IPO8: variants seen among roughly 807,000 people sequenced by gnomAD.
IPO8 encodes importin 8.
IPO8 carries 65 observed loss-of-function variants against 141.2 expected under a neutral mutation model. That is an observed-to-expected ratio of 0.46 (90% CI 0.38 to 0.57). The LOEUF is 0.57. Ranked by LOEUF, IPO8 falls within the 20% of genes least tolerant of loss-of-function variation. IPO8 has a pLI of 0.00. For synonymous variants in IPO8, 411 were observed against 420.3 expected (o/e 0.98, Z 0.27); for missense variants, 980 against 1,246.8 (o/e 0.79, Z 3.22).
intron 19 of IPO8, among the ~76,000 whole-genome samples, chr12:30,651,230 G>C (rs2052722730): frequency 6.6e-6 from 1 of 152,016 alleles, no homozygotes; most frequent in African/African-American, 2.4e-5. Flanking sequence ...TTAACAACAT[G>C]GGTTATCCAC....
At chr12:30,646,818 G>A (rs1209468413) in intron 20 of IPO8, among the ~76,000 whole-genome samples, 1 of 152,048 alleles carries the variant, frequency 6.6e-6, no homozygotes, top group Non-Finnish European at 1.5e-5. Flanking sequence ...AGAAATTAAA[G>A]AAAACCTAAA....
chr12:30,687,827 A>G (rs1291678214), intron 2 of IPO8, among the ~76,000 whole-genome samples: 1 of 152,192 alleles, frequency 6.6e-6, no homozygotes, highest in Non-Finnish European at 1.5e-5. Flanking sequence ...ATAACCACAG[A>G]ATGAATTGTT....
At chr12:30,653,266 C>T (rs2052753232) in intron 17 of IPO8, among the ~76,000 whole-genome samples, 174 bp from the exon 18 acceptor site, 1 of 152,004 alleles carries the variant, frequency 6.6e-6, no homozygotes, top group Non-Finnish European at 1.5e-5. Context: ...TGCCTCCTTC[C>T]ATTTCTTACC....
In IPO8 at chr12:30,695,575, C is replaced by A; in HGVS notation, c.73G>T (p.Glu25Ter). The A allele has an allele frequency of 6.2e-7, 1 of 1,613,988 alleles. No homozygotes were observed. Among genetic ancestry groups the A allele is most frequent in the Non-Finnish European group, 8.5e-7 (1 of 1,179,898 alleles). Residue 25 changes from glutamate (E) to a stop codon, truncating the protein, a stop_gained, in exon 1 of 25, where the codon GAG (glutamate) becomes TAG (stop). Coordinates refer to ENST00000256079, the MANE Select transcript of IPO8 (RefSeq NM_006390.4). LOFTEE classifies it high-confidence loss of function. This position sits in a 1 kb window ranked among gnomAD's most constrained non-coding sequence, Gnocchi z 4.2. Reference sequence around the variant, plus strand: ...GACCCTCTCCTCACCTGGTTGAGCTCGTTCTCGGCTGCAATCCGCAACTTC... The same window carrying A: ...GACCCTCTCCTCACCTGGTTGAGCTAGTTCTCGGCTGCAATCCGCAACTTC... ...DPKLRIAAEN[E>*]LNQSYKIINF...
chr12:30,682,817 G>A (rs1047089018), intron 3 of IPO8, among the ~76,000 whole-genome samples: 20 of 151,882 alleles, frequency 1.3e-4, no homozygotes, highest in Non-Finnish European at 2.6e-4. Context: ...TTTTCTTCAC[G>A]TTATCAAATC....
At chr12:30,644,587 A>G (rs1473825843) in intron 20 of IPO8, among the ~76,000 whole-genome samples, 1 of 151,956 alleles carries the variant, frequency 6.6e-6, no homozygotes, top group Non-Finnish European at 1.5e-5. Context: ...AGACAGGCAA[A>G]GCAAGCTCCC....
intron 11 of IPO8, 122 bp from the exon 12 acceptor site, chr12:30,665,967 A>G (rs760139613): frequency 3.7e-5 from 26 of 694,536 alleles, no homozygotes; most frequent in Non-Finnish European, 6.0e-5. Flanking sequence ...AAGCAACTAT[A>G]AGCTCAATAA....
chr12:30,653,752 T>C (rs959849481), intron 17 of IPO8, among the ~76,000 whole-genome samples: 11 of 152,052 alleles, frequency 7.2e-5, no homozygotes, highest in Admixed American at 1.3e-4. Context: ...TTTCAAATAG[T>C]TCCTACCATA....
rs977050979 is a variant in IPO8 at position 30,695,373 on chromosome 12, G to A, written c.84+191C>T. On this transcript the variant is annotated intron_variant, in intron 1 of 24. Coordinates refer to ENST00000256079, the MANE Select transcript of IPO8 (RefSeq NM_006390.4). The surrounding 1 kb of genome is among the most constrained non-coding windows in gnomAD (Gnocchi z 4.2). ...AAGGTGGCCAACAGGTGCGCGAGCT[G>A]TTCGGCAAAGATCCTGGGAGCCCTG... Among the ~76,000 whole-genome samples the A allele has an allele frequency of 1.3e-5, 2 of 152,340 alleles. No homozygotes were observed. The highest frequency in any genetic ancestry group is 3.9e-4 in the East Asian group (2 of 5,176).
intron 8 of IPO8, among the ~76,000 whole-genome samples, chr12:30,671,939 C>T (rs991003525): frequency 6.6e-6 from 1 of 151,948 alleles, no homozygotes; most frequent in Non-Finnish European, 1.5e-5. Context: ...AATGATAGCA[C>T]AGGATTCCTT....
At chr12:30,646,764 G>A (rs1307715757) in intron 20 of IPO8, among the ~76,000 whole-genome samples, 2 of 152,028 alleles carry the variant, frequency 1.3e-5, no homozygotes, top group African/African-American at 4.8e-5. Flanking sequence ...TTTAGGAATA[G>A]AATTGAAAAA....
intron 21 of IPO8, among the ~76,000 whole-genome samples, chr12:30,638,399 C>A (rs1453252226): frequency 6.6e-6 from 1 of 152,114 alleles, no homozygotes; most frequent in African/African-American, 2.4e-5. Context: ...AAATATGTTC[C>A]CCCATTCCTA....
At chr12:30,693,088 G>C (rs1452030129) in intron 1 of IPO8, among the ~76,000 whole-genome samples, 2 of 152,090 alleles carry the variant, frequency 1.3e-5, no homozygotes, top group East Asian at 3.9e-4. Context: ...CAAAAGCTTG[G>C]CAATCAAAGT....
In IPO8 at chr12:30,695,366, G is replaced by C. The variant is rs2053328509; in HGVS notation, c.84+198C>G. On this transcript the variant is annotated intron_variant, in intron 1 of 24. Transcript: ENST00000256079. The surrounding 1 kb of genome is among the most constrained non-coding windows in gnomAD (Gnocchi z 4.2). The stretch of plus-strand genomic sequence containing the variant: ...AGGTGCAAAGGTGGCCAACAGGTGC[G>C]CGAGCTGTTCGGCAAAGATCCTGGG... Among the ~76,000 whole-genome samples the C allele has an allele frequency of 6.6e-6, 1 of 152,210 alleles. No homozygotes were observed. The highest frequency in any genetic ancestry group is 2.4e-5 in the African/African-American group (1 of 41,466).
chr12:30,661,947 T>C (rs994746686), intron 15 of IPO8, among the ~76,000 whole-genome samples: 3 of 152,208 alleles, frequency 2.0e-5, no homozygotes, highest in Admixed American at 6.5e-5. Context: ...CAGTCATGCA[T>C]CGCTTAACAT....
chr12:30,666,759 T>C (rs1267372523), intron 10 of IPO8, among the ~76,000 whole-genome samples: 1 of 152,084 alleles, frequency 6.6e-6, no homozygotes, highest in Non-Finnish European at 1.5e-5. Context: ...CTAGTTTAAA[T>C]AGGGTGTTAG....
intron 10 of IPO8, 41 bp downstream of exon 10, chr12:30,669,142 C>G: frequency 1.2e-6 from 1 of 830,622 alleles, no homozygotes. Context: ...TATTACTTTA[C>G]ATATCCAGGA....
intron 1 of IPO8, among the ~76,000 whole-genome samples, chr12:30,694,595 C>G (rs1467298902): frequency 6.6e-6 from 1 of 152,198 alleles, no homozygotes; most frequent in Non-Finnish European, 1.5e-5. Context: ...CCCACAGTTT[C>G]TGATTCGTTA....
chr12:30,694,910 G>T (rs189637786), intron 1 of IPO8: 8 of 448,358 alleles, frequency 1.8e-5, no homozygotes, highest in Admixed American at 4.8e-5. Flanking sequence ...GGAAGAACAG[G>T]AGACGGAGAA....
Sources: gnomAD v4.1 joint callset for allele counts (sites outside exome capture counted in the v4.1 genomes callset) on GRCh38, gnomAD v4.1.1 for gene constraint, Gnocchi (gnomAD v3.1) non-coding constraint, MANE v1.5 for transcripts, NCBI Gene and HGNC (gene_info 2026-07-23, HGNC 2026-07-21) for gene names.